CREBRF: variants seen among roughly 807,000 people sequenced by gnomAD.
The protein encoded by CREBRF is CREB3 regulatory factor.
Under a neutral mutation model 66.1 loss-of-function variants are expected in CREBRF, and 5 were observed. The ratio of observed to expected loss-of-function variants is 0.08; its 90% confidence interval spans 0.04 to 0.16. The LOEUF (loss-of-function observed/expected upper bound fraction) is 0.16. CREBRF is among the 10% of genes least tolerant of loss of function. CREBRF has a pLI of 1.00. For synonymous variants in CREBRF, 229 were observed against 264.4 expected (o/e 0.87, Z 1.30); for missense variants, 531 against 744.9 (o/e 0.71, Z 3.34).
At chr5:173,061,723 A>G (rs1022613907) in intron 1 of CREBRF, among the ~76,000 whole-genome samples, 1 of 152,212 alleles carries the variant, frequency 6.6e-6, no homozygotes, top group Non-Finnish European at 1.5e-5. Flanking sequence ...TGAAGAATTA[A>G]AGAGAGTAGG....
intron 1 of CREBRF, among the ~76,000 whole-genome samples, chr5:173,071,330 G>T (rs1020032813): frequency 2.6e-5 from 4 of 152,096 alleles, no homozygotes; most frequent in African/African-American, 9.7e-5. Context: ...TCCTTCGTCA[G>T]CCTTCTGAAT....
At chr5:173,133,095 C>T (rs961879478) in intron 8 of CREBRF, among the ~76,000 whole-genome samples, 6 of 152,196 alleles carry the variant, frequency 3.9e-5, no homozygotes, top group African/African-American at 1.2e-4. Context: ...CCACCTTTCT[C>T]CCTCTTCTCT....
intron 1 of CREBRF, among the ~76,000 whole-genome samples, chr5:173,078,982 A>G (rs1474758847): frequency 6.6e-6 from 1 of 152,188 alleles, no homozygotes; most frequent in East Asian, 1.9e-4. Flanking sequence ...GGTCTAGAAA[A>G]AGTGACTGAC....
At chr5:173,105,728 T>C (rs1263657599) in intron 4 of CREBRF, among the ~76,000 whole-genome samples, 1 of 152,024 alleles carries the variant, frequency 6.6e-6, no homozygotes, top group Non-Finnish European at 1.5e-5. Context: ...CCTCCCAAAG[T>C]GCTGGGATTA....
chr5:173,087,438 C>T (rs1758187963), intron 3 of CREBRF, among the ~76,000 whole-genome samples: 3 of 152,138 alleles, frequency 2.0e-5, no homozygotes, highest in African/African-American at 7.2e-5. Context: ...TGGCTCACGC[C>T]TGTAATCCCA....
In CREBRF at chr5:173,113,290, C is replaced by T. The variant is rs183594250; in HGVS notation, c.1681+911C>T. ...GATTACAGGCATGAGCCGCTGCACC[C>T]AGCCAAGATTATTCTTTTTTTTTTT... On this transcript the variant is annotated intron_variant, in intron 7 of 8. Transcript: ENST00000296953. Among the ~76,000 whole-genome samples the T allele has an allele frequency of 3.6e-3, 555 of 152,120 alleles. 1 individual carries two copies. Among genetic ancestry groups the T allele is most frequent in the African/African-American group, 0.013 (535 of 41,510 alleles).
chr5:173,064,855 C>T (rs983464503), intron 1 of CREBRF, among the ~76,000 whole-genome samples: 2 of 151,730 alleles, frequency 1.3e-5, no homozygotes, highest in East Asian at 1.9e-4. Context: ...TGAGCCACTG[C>T]GCCTGGCCCA....
chr5:173,079,060 C>T (rs902052989), intron 1 of CREBRF, among the ~76,000 whole-genome samples: 17 of 151,938 alleles, frequency 1.1e-4, no homozygotes, highest in Non-Finnish European at 4.4e-5. Flanking sequence ...AGTTGTAGGA[C>T]GACGGCATGA....
intron 1 of CREBRF, among the ~76,000 whole-genome samples, chr5:173,067,720 G>A (rs1025434226): frequency 7.2e-5 from 11 of 152,166 alleles, no homozygotes; most frequent in Non-Finnish European, 7.3e-5. Flanking sequence ...TTAATTGGCC[G>A]GGTGCCGTGG....
intron 4 of CREBRF, chr5:173,091,927 A>C (rs1339961280): frequency 3.0e-6 from 1 of 337,050 alleles, no homozygotes; most frequent in Non-Finnish European, 4.2e-6. Context: ...TCTACTAAAA[A>C]TACAAAAATC....
chr5:173,082,610 A>G (rs1757990699), intron 2 of CREBRF, among the ~76,000 whole-genome samples: 1 of 151,856 alleles, frequency 6.6e-6, no homozygotes, highest in Non-Finnish European at 1.5e-5. Flanking sequence ...AAAATACTAA[A>G]AAAGAGAAAT....
Position 173,084,745 on chromosome 5 carries a change from C to T in CREBRF, c.10-1756C>T, listed in dbSNP as rs111802283. ...CAAGCTCCACCTCCCGGGTTCATGC[C>T]GTTCTCTTGCCTCAGTCTCCGGAGT... On this transcript the variant is annotated intron_variant, in intron 2 of 8. Coordinates refer to ENST00000296953, the MANE Select transcript of CREBRF (RefSeq NM_153607.3). Among the ~76,000 whole-genome samples, 533 of 151,612 alleles carry T rather than the reference C, an allele frequency of 3.5e-3. 2 individuals are homozygous for T. Among genetic ancestry groups the T allele is most frequent in the African/African-American group, 0.012 (490 of 41,320 alleles).
chr5:173,074,713 C>G (rs1341124393), intron 1 of CREBRF, among the ~76,000 whole-genome samples: 9 of 152,116 alleles, frequency 5.9e-5, no homozygotes, highest in African/African-American at 2.2e-4. Context: ...ACCTCCACCT[C>G]TGGGGTTCAA....
intron 8 of CREBRF, among the ~76,000 whole-genome samples, chr5:173,125,425 T>G (rs1373950423): frequency 6.6e-6 from 1 of 152,234 alleles, no homozygotes; most frequent in Admixed American, 6.5e-5. Flanking sequence ...TTCTCTTTTT[T>G]CTTAGAAAAA....
intron 4 of CREBRF, among the ~76,000 whole-genome samples, chr5:173,097,347 T>G (rs1758502801): frequency 6.6e-6 from 1 of 152,038 alleles, no homozygotes; most frequent in Admixed American, 6.6e-5. Context: ...CAGGGTTAAG[T>G]GATTCTCCTG....
At chr5:173,095,660 T>C (rs1376431246) in intron 4 of CREBRF, among the ~76,000 whole-genome samples, 2 of 152,192 alleles carry the variant, frequency 1.3e-5, no homozygotes, top group Admixed American at 6.5e-5. Context: ...TAGTTCATTT[T>C]GGGTGATATG....
chr5:173,077,103 C>G (rs371919728), intron 1 of CREBRF, among the ~76,000 whole-genome samples: 84 of 151,796 alleles, frequency 5.5e-4, no homozygotes, highest in African/African-American at 1.9e-3. Flanking sequence ...GCCACCATGT[C>G]CAGCTAATTT....
At chr5:173,115,238 G>A (rs997275974) in intron 7 of CREBRF, among the ~76,000 whole-genome samples, 1 of 151,778 alleles carries the variant, frequency 6.6e-6, no homozygotes. Flanking sequence ...CTCCCGAGTA[G>A]CTAGGATTAC....
intron 4 of CREBRF, among the ~76,000 whole-genome samples, chr5:173,105,646 T>C (rs1485525364): frequency 1.3e-5 from 2 of 152,086 alleles, no homozygotes; most frequent in South Asian, 2.1e-4. Flanking sequence ...TTTTGTATTT[T>C]TAGTAGAGAT....
Sources: allele counts gnomAD v4.1 joint callset (sites outside exome capture counted in the v4.1 genomes callset), GRCh38; gene constraint gnomAD v4.1.1; transcripts MANE v1.5; gene names NCBI Gene and HGNC (gene_info 2026-07-23, HGNC 2026-07-21).